Variants in EFR3A observed in about 807,000 individuals in gnomAD.
EFR3A encodes protein EFR3 homolog A.
A neutral mutation model predicts 104.4 loss-of-function variants in EFR3A; 76 were observed. The observed-to-expected ratio is 0.73, with a 90% confidence interval of 0.60 to 0.88. The LOEUF is 0.88. Ranked by LOEUF, EFR3A falls within the 40% of genes least tolerant of loss-of-function variation. The pLI is 0.00. For synonymous variants in EFR3A, 330 were observed against 330.0 expected, an observed-to-expected ratio of 1.00 and a Z score of 0.00; for missense variants, 985 against 1,012.5, an observed-to-expected ratio of 0.97 and a Z score of 0.37.
chr8:131,979,042 A>G (rs1373960809), intron 13 of EFR3A, 23 bp downstream of exon 13: 1 of 1,572,568 alleles, frequency 6.4e-7, no homozygotes, highest in Non-Finnish European at 8.6e-7. Context: ...TTTGAAATGG[A>G]TCTAATGATA....
In EFR3A at chr8:131,950,017, C is replaced by T. The variant is rs760259534; in HGVS notation, c.415C>T (p.Arg139Cys). ...IEEDTPSYHR[R>C]YDFFVSRFSA... ...AGAAGACACACCATCCTATCACAGA[C>T]GTTATGACTTTTTTGTGTCTCGATT... Residue 139 changes from arginine to cysteine, a missense_variant, in exon 5 of 23, where the codon CGT becomes TGT. Transcript: ENST00000254624. The T allele has an allele frequency of 3.1e-6, 5 of 1,606,962 alleles. No individual in the cohort carries two copies. The highest frequency in any genetic ancestry group is 4.2e-6 in the Non-Finnish European group (5 of 1,177,240).
At chr8:131,949,187 A>G (rs1334306314) in intron 4 of EFR3A, among the ~76,000 whole-genome samples, 3 of 152,110 alleles carry the variant, frequency 2.0e-5, no homozygotes, top group African/African-American at 7.2e-5. Context: ...ACTATGCAAC[A>G]TTGGTTCATG....
intron 1 of EFR3A, among the ~76,000 whole-genome samples, chr8:131,921,474 T>G (rs1295389617): frequency 1.3e-5 from 2 of 152,208 alleles, no homozygotes; most frequent in Non-Finnish European, 2.9e-5. Context: ...CTTTAACATA[T>G]GAATTTTGAA....
intron 1 of EFR3A, among the ~76,000 whole-genome samples, chr8:131,915,045 C>T (rs1330931289): frequency 6.6e-6 from 1 of 152,124 alleles, no homozygotes; most frequent in African/African-American, 2.4e-5. Flanking sequence ...TTTCTTCATC[C>T]AGTCTGTCAT....
rs1464078672 is a variant in EFR3A at position 131,968,358 on chromosome 8, G to T, written c.919G>T (p.Ala307Ser). ...LGHLDARKKDAPRVRAGIIQV... is the reference protein window; with the variant it reads ...LGHLDARKKDSPRVRAGIIQV... ...ACACCTTGATGCTCGTAAAAAAGATGCTCCCCGGGTTCGAGCAGGTATTAT... is the reference window on the plus strand; with the variant it reads ...ACACCTTGATGCTCGTAAAAAAGATTCTCCCCGGGTTCGAGCAGGTATTAT... Residue 307 changes from alanine (A) to serine (S), a missense_variant, in exon 9 of 23, where the codon GCT becomes TCT. Transcript: ENST00000254624. 1 of 1,613,556 alleles carries T rather than the reference G, an allele frequency of 6.2e-7. No individual in the cohort carries two copies. Among genetic ancestry groups the T allele is most frequent in the African/African-American group, 1.3e-5 (1 of 75,002 alleles).
At chr8:131,981,729 CTG>C (rs1225173564) in intron 14 of EFR3A, among the ~76,000 whole-genome samples, 1 of 152,026 alleles carries the variant, frequency 6.6e-6, no homozygotes, top group Non-Finnish European at 1.5e-5. Flanking sequence ...GTTCAGGCAA[CTG>C]TGTCTTAAAT....
intron 2 of EFR3A, 104 bp downstream of exon 2, chr8:131,940,679 A>C (rs1818124787): frequency 4.2e-6 from 6 of 1,443,536 alleles, no homozygotes; most frequent in Non-Finnish European, 5.5e-6. Context: ...TTTTACCCTT[A>C]CATCTCATCA....
At chr8:131,919,257 T>G (rs1357951317) in intron 1 of EFR3A, among the ~76,000 whole-genome samples, 3 of 152,184 alleles carry the variant, frequency 2.0e-5, no homozygotes, top group Non-Finnish European at 4.4e-5. Context: ...AGGAAATGAT[T>G]GATTTTTAAA....
At position 131,996,491 on chromosome 8, in the gene EFR3A, T is replaced by C. The variant is rs1193247283; in HGVS notation, c.2151T>C (p.Asp717=). 2 of 1,591,054 alleles carry C rather than the reference T, an allele frequency of 1.3e-6. No homozygotes were observed. Among genetic ancestry groups the C allele is most frequent in the Admixed American group, 3.5e-5 (2 of 56,870 alleles). Residue 717 remains aspartate (D), a synonymous_variant, in exon 19 of 23, where the codon GAT becomes GAC. Coordinates refer to ENST00000254624, the MANE Select transcript of EFR3A (RefSeq NM_015137.6). ...VDILSNNVPS[D]DVVSNTEEIT... ...TTTTATCCAACAATGTTCCTTCTGA[T>C]GATGTGGTAAGTTACTGAAAGTTTA... is the stretch of plus-strand genomic sequence containing the variant.
intron 1 of EFR3A, chr8:131,940,196 C>T (rs1245766412): frequency 2.1e-5 from 6 of 289,298 alleles, no homozygotes; most frequent in Admixed American, 9.0e-5. Context: ...GCCGGAGTTG[C>T]GGGCAGATGA....
At chr8:131,921,645 A>G (rs899199500) in intron 1 of EFR3A, among the ~76,000 whole-genome samples, 4 of 152,180 alleles carry the variant, frequency 2.6e-5, no homozygotes, top group African/African-American at 9.6e-5. Context: ...ACATTCATTT[A>G]CCTAAACTTA....
chr8:131,956,477 G>A (rs1819000320), intron 7 of EFR3A, among the ~76,000 whole-genome samples: 1 of 152,154 alleles, frequency 6.6e-6, no homozygotes, highest in African/African-American at 2.4e-5. Context: ...GCCTTGTCAA[G>A]CCTTTGTGTT....
rs1339902473 is a variant in EFR3A at position 131,987,565 on chromosome 8, A to G, written c.1938-10A>G. 1 of 1,583,330 alleles carries G rather than the reference A, an allele frequency of 6.3e-7. No individual in the cohort carries two copies. The highest frequency in any genetic ancestry group is 8.6e-7 in the Non-Finnish European group (1 of 1,165,414). On this transcript the variant is annotated splice_polypyrimidine_tract_variant and intron_variant, in intron 17 of 22. Transcript: ENST00000254624. ...ATACTGAATGATTGTTGTTTTGATG[A>G]ACTTCGCAGGCTTCCAAAATCTTTA...
intron 6 of EFR3A, among the ~76,000 whole-genome samples, chr8:131,955,408 A>G (rs1170640696): frequency 6.6e-6 from 1 of 152,162 alleles, no homozygotes; most frequent in East Asian, 1.9e-4. Context: ...TTGCCCATTT[A>G]CAGTTAAATT....
chr8:131,963,510 G>C (rs1819521313), intron 8 of EFR3A, among the ~76,000 whole-genome samples: 1 of 152,042 alleles, frequency 6.6e-6, no homozygotes, highest in East Asian at 1.9e-4. Flanking sequence ...ACCCTCACAA[G>C]ACTAAACCAG....
Position 131,904,256 on chromosome 8 carries a change from G to C in EFR3A, c.-57G>C. 1 of 1,280,880 alleles carries C rather than the reference G, an allele frequency of 7.8e-7. No individual in the cohort carries two copies. Among genetic ancestry groups the C allele is most frequent in the Non-Finnish European group, 9.9e-7 (1 of 1,011,810 alleles). 79.3% of individuals were successfully genotyped at this position (1,280,880 alleles called of 1,614,324 possible). ...CAACGGCCGTCATGGTGCCGTCGGCGCTCCCTGCGCGGCCCCGCTGAGCCT... is the reference window on the plus strand; with the variant it reads ...CAACGGCCGTCATGGTGCCGTCGGCCCTCCCTGCGCGGCCCCGCTGAGCCT... On this transcript the variant is annotated 5_prime_UTR_variant, in exon 1 of 23. Transcript: ENST00000254624.
At chr8:131,952,337 C>T (rs954146115) in intron 5 of EFR3A, among the ~76,000 whole-genome samples, 3 of 152,060 alleles carry the variant, frequency 2.0e-5, no homozygotes, top group African/African-American at 7.2e-5. Context: ...CTGTAGAATT[C>T]GTTTTGGGGG....
Position 132,013,012 on chromosome 8 carries a change from A to G in EFR3A, c.*2117A>G, listed in dbSNP as rs1437564856. 6.6e-6 allele frequency: 1 copy of G among 152,128 alleles called. No individual in the cohort carries two copies. The highest frequency in any genetic ancestry group is 1.5e-5 in the Non-Finnish European group (1 of 68,008). The allele number at this position is 152,128 out of a possible 1,614,324, so 9.4% of individuals were successfully genotyped here. ...TTCTGAACTGGTCTTGTTGACAAGG[A>G]TTCCCAAGAAATGGATCTTTTCACT... On this transcript the variant is annotated 3_prime_UTR_variant, in exon 23 of 23. Coordinates refer to ENST00000254624, the MANE Select transcript of EFR3A (RefSeq NM_015137.6).
chr8:131,984,402 G>C, intron 15 of EFR3A, 102 bp downstream of exon 15: 1 of 1,117,338 alleles, frequency 8.9e-7, no homozygotes, highest in Non-Finnish European at 1.2e-6. Context: ...TAAAAGGGAG[G>C]TATCTAGTTG....
Sources: allele counts gnomAD v4.1 joint callset (sites outside exome capture counted in the v4.1 genomes callset), GRCh38; gene constraint gnomAD v4.1.1; transcripts MANE v1.5; gene names NCBI Gene and HGNC (gene_info 2026-07-23, HGNC 2026-07-21).